Variants in CPQ observed in about 807,000 individuals in gnomAD.
The protein encoded by CPQ is carboxypeptidase Q, also known as Ser-Met dipeptidase.
A neutral mutation model predicts 45.7 loss-of-function variants in CPQ; 37 were observed. The ratio of observed to expected loss-of-function variants is 0.81; its 90% CI spans 0.62 to 1.07. CPQ has a LOEUF of 1.07. Among genes scored for constraint, CPQ ranks in the 50% least tolerant of loss-of-function variants. The pLI is 0.00. For missense variants in CPQ, 537 were observed against 572.9 expected, an observed-to-expected ratio of 0.94 and a Z score of 0.64; for synonymous variants, 186 against 205.8, an observed-to-expected ratio of 0.90 and a Z score of 0.82.
intron 5 of CPQ, among the ~76,000 whole-genome samples, chr8:96,978,960 G>A (rs775209812): frequency 5.9e-5 from 9 of 151,954 alleles, no homozygotes; most frequent in Non-Finnish European, 1.2e-4. Context: ...ACAGGACACA[G>A]TTCCTTGCGT....
intron 5 of CPQ, among the ~76,000 whole-genome samples, chr8:97,027,681 G>T (rs1455644204): frequency 6.6e-6 from 1 of 152,182 alleles, no homozygotes; most frequent in Non-Finnish European, 1.5e-5. Context: ...TGAGACTGGA[G>T]AAGTGGCTTC....
intron 5 of CPQ, among the ~76,000 whole-genome samples, chr8:97,010,585 G>A (rs1478103271): frequency 6.6e-6 from 1 of 152,122 alleles, no homozygotes; most frequent in Non-Finnish European, 1.5e-5. Context: ...TGCCTCACCA[G>A]CTGCCCAGCT....
intron 2 of CPQ, among the ~76,000 whole-genome samples, chr8:96,813,069 G>T (rs1031330403): frequency 1.3e-5 from 2 of 152,082 alleles, no homozygotes; most frequent in Non-Finnish European, 2.9e-5. Context: ...GAAACTTTCA[G>T]TGTTCCCCCT....
At chr8:96,793,049 T>A (rs553060106) in intron 2 of CPQ, among the ~76,000 whole-genome samples, 38 of 152,096 alleles carry the variant, frequency 2.5e-4, no homozygotes, top group Admixed American at 2.3e-3. Context: ...ATGATTCAGT[T>A]ACATCCCACT....
At position 96,860,171 on chromosome 8, in the gene CPQ, G is replaced by A. The variant is rs141123658; in HGVS notation, c.642-19627G>A. 4.0e-3 allele frequency among the ~76,000 whole-genome samples: 607 copies of A among 152,214 alleles called. 3 individuals are homozygous for A. Among genetic ancestry groups the A allele is most frequent in the African/African-American group, 0.014 (571 of 41,538 alleles). ...GCCACTCTTACCTCAGTGCTCTCCT[G>A]TGGGTACATTTAGTACCTTTACAAC... On this transcript the variant is annotated intron_variant, in intron 3 of 7. Coordinates refer to ENST00000220763, the MANE Select transcript of CPQ (RefSeq NM_016134.4).
intron 4 of CPQ, among the ~76,000 whole-genome samples, chr8:96,924,583 T>A (rs1812848712): frequency 6.6e-6 from 1 of 152,228 alleles, no homozygotes; most frequent in Non-Finnish European, 1.5e-5. Flanking sequence ...TTCTAAAGGC[T>A]AATGCAGTTT....
intron 6 of CPQ, among the ~76,000 whole-genome samples, chr8:97,039,587 C>T (rs1378847299): frequency 1.3e-5 from 2 of 151,822 alleles, no homozygotes; most frequent in African/African-American, 2.4e-5. Flanking sequence ...CACCCATTAA[C>T]TCGTCATTTA....
chr8:97,123,066 A>AAAAATAAAATAAAATAAAT (rs1811764258), intron 7 of CPQ, among the ~76,000 whole-genome samples: 2 of 47,814 alleles, frequency 4.2e-5, no homozygotes, highest in East Asian at 6.8e-4. Context: ...ATAAAATAAA[A>AAAAATAAAATAAAATAAAT]AAAATAAAAT....
At chr8:96,701,778 G>C (rs116012281) in intron 1 of CPQ, among the ~76,000 whole-genome samples, 2,995 of 152,256 alleles carry the variant, frequency 0.02, 114 homozygotes, top group African/African-American at 0.069. Context: ...CGGGTTGCCA[G>C]CTAAAGCCCT....
intron 5 of CPQ, among the ~76,000 whole-genome samples, chr8:96,980,275 G>T (rs1813869589): frequency 6.6e-6 from 1 of 152,082 alleles, no homozygotes; most frequent in African/African-American, 2.4e-5. Context: ...TGGGATTTCA[G>T]GCACACACCA....
At chr8:96,799,129 G>A (rs1810972261) in intron 2 of CPQ, among the ~76,000 whole-genome samples, 1 of 152,192 alleles carries the variant, frequency 6.6e-6, no homozygotes. Flanking sequence ...AAGCAGATGA[G>A]AAAGAGAAGG....
At chr8:96,930,530 AT>A (rs908569872) in intron 4 of CPQ, among the ~76,000 whole-genome samples, 18 of 152,020 alleles carry the variant, frequency 1.2e-4, no homozygotes, top group Non-Finnish European at 1.5e-5. Context: ...AGTGAGGATG[AT>A]TTTTTTTGGA....
chr8:96,756,853 T>C (rs114664953), intron 1 of CPQ, among the ~76,000 whole-genome samples: 1,798 of 152,326 alleles, frequency 0.012, 41 homozygotes, highest in African/African-American at 0.039. Context: ...ACTTCTAGAT[T>C]AGTTTCACTA....
rs1177981832 is a variant in CPQ at position 97,028,331 on chromosome 8, T to G, written c.962-1072T>G. Among the ~76,000 whole-genome samples, 4 of 152,316 alleles carry G rather than the reference T, an allele frequency of 2.6e-5. No individual in the cohort carries two copies. The East Asian group carries it at 7.7e-4, about 29-fold the overall frequency. On this transcript the variant is annotated intron_variant, in intron 5 of 7. Transcript: ENST00000220763. ...GAAGCATTTGTCATCCAGGCTGCAG[T>G]TAGCCAGCTGGCTCCTTCAAAAGCC...
chr8:96,656,731 C>CCT (rs1256070037), intron 1 of CPQ, among the ~76,000 whole-genome samples: 12 of 152,202 alleles, frequency 7.9e-5, no homozygotes. Flanking sequence ...TCAAAGCAGG[C>CCT]TGACCTTCTC....
At chr8:97,131,978 C>T (rs1456322105) in intron 7 of CPQ, among the ~76,000 whole-genome samples, 1 of 152,188 alleles carries the variant, frequency 6.6e-6, no homozygotes, top group African/African-American at 2.4e-5. Context: ...CAAGGAAACT[C>T]AACCTTTTTG....
chr8:96,937,552 C>T (rs1813068289), intron 4 of CPQ, among the ~76,000 whole-genome samples: 1 of 152,130 alleles, frequency 6.6e-6, no homozygotes, highest in Admixed American at 6.6e-5. Flanking sequence ...GACCTTAGAC[C>T]TTAGGAGAGA....
chr8:96,725,169 T>C (rs1160154026), intron 1 of CPQ, among the ~76,000 whole-genome samples: 2 of 152,206 alleles, frequency 1.3e-5, no homozygotes, highest in African/African-American at 2.4e-5. Flanking sequence ...GACATTGGCT[T>C]TGGCAAATAA....
At chr8:96,780,730 G>A (rs1810675226) in intron 1 of CPQ, among the ~76,000 whole-genome samples, 1 of 139,496 alleles carries the variant, frequency 7.2e-6, no homozygotes, top group Non-Finnish European at 1.5e-5. Context: ...TTTTTTTAGG[G>A]ACTGGATCTT....
Sources: allele counts gnomAD v4.1 joint callset (sites outside exome capture counted in the v4.1 genomes callset), GRCh38; gene constraint gnomAD v4.1.1; transcripts MANE v1.5; gene names NCBI Gene and HGNC (gene_info 2026-07-23, HGNC 2026-07-21).